ZNF540: variants seen among roughly 807,000 people sequenced by gnomAD.
ZNF540 encodes the protein zinc finger protein 540, also known as CTD-3064H18.6.
Under a neutral mutation model 11.8 loss-of-function variants are expected in ZNF540, and 3 were observed. That is an observed-to-expected ratio of 0.25 (90% CI 0.12 to 0.65). ZNF540 has a LOEUF of 0.65. ZNF540 is among the 30% of genes least tolerant of loss of function. The pLI is 0.83. For synonymous variants in ZNF540, 247 were observed against 259.0 expected (o/e 0.95, Z 0.45); for missense variants, 709 against 793.1 (o/e 0.89, Z 1.27).
At chr19:37,603,864 G>A (rs1159384092) in intron 4 of ZNF540, among the ~76,000 whole-genome samples, 1 of 152,060 alleles carries the variant, frequency 6.6e-6, no homozygotes, top group Non-Finnish European at 1.5e-5. Context: ...TCTATATCAA[G>A]CCAAATTCTG....
In ZNF540 at chr19:37,613,392, T is replaced by A; in HGVS notation, c.*129T>A. 1 of 625,632 alleles carries A rather than the reference T, an allele frequency of 1.6e-6. No individual in the cohort carries two copies. Among genetic ancestry groups the A allele is most frequent in the African/African-American group, 1.9e-5 (1 of 53,798 alleles). 38.8% of individuals were successfully genotyped at this position (625,632 alleles called of 1,614,324 possible). On this transcript the variant is annotated 3_prime_UTR_variant, in exon 5 of 5. Coordinates refer to ENST00000316433, the MANE Select transcript of ZNF540 (RefSeq NM_001172225.3). ...AATAAATGTATGAGTCTTAAATACCTCTTAGTTCTCATTAAATTTAGGAAA... is the reference window on the plus strand; with the variant it reads ...AATAAATGTATGAGTCTTAAATACCACTTAGTTCTCATTAAATTTAGGAAA...
chr19:37,561,940 T>G (rs757447939), intron 1 of ZNF540, among the ~76,000 whole-genome samples: 1 of 152,234 alleles, frequency 6.6e-6, no homozygotes, highest in Non-Finnish European at 1.5e-5. Flanking sequence ...GTTACACTGA[T>G]TATTCAGAGT....
intron 1 of ZNF540, among the ~76,000 whole-genome samples, chr19:37,552,309 A>G (rs2147132634): frequency 6.6e-6 from 1 of 152,316 alleles, no homozygotes; most frequent in South Asian, 2.1e-4. Flanking sequence ...CAAGCTTGCT[A>G]AAGTTCTTTG....
chr19:37,586,028 T>C (rs1216572607), intron 1 of ZNF540: 1 of 152,242 alleles, frequency 6.6e-6, no homozygotes, highest in African/African-American at 2.4e-5. Context: ...AGAAGGAACA[T>C]GGCTCTGCTA....
At chr19:37,564,519 A>AGAAGCAAGATGTTCTACATTCATTATAG in intron 1 of ZNF540, 2 of 1,333,900 alleles carry the variant, frequency 1.5e-6, no homozygotes, top group Middle Eastern at 2.3e-4. Context: ...GATTCTGAGC[A>AGAAGCAAGATGTTCTACATTCATTATAG]GAAGCAAGAT....
In ZNF540 at chr19:37,574,122, G is replaced by C. The variant is rs115830779; in HGVS notation, c.-73+22457G>C. 6.1e-3 allele frequency among the ~76,000 whole-genome samples: 935 copies of C among 152,152 alleles called. 11 individuals carry two copies. Among genetic ancestry groups the C allele is most frequent in the African/African-American group, 0.021 (882 of 41,514 alleles). ...GAAAAATATTCTAGAAAACTAGGAG[G>C]CCTATTTAAAACTATACTCTTTATG... On this transcript the variant is annotated intron_variant, in intron 1 of 4. Coordinates refer to the ZNF540 transcript ENST00000592533.
upstream of ZNF540, among the ~76,000 whole-genome samples, chr19:37,589,864 CAAAAAAAA>C (rs60136941): frequency 4.1e-4 from 12 of 29,588 alleles, no homozygotes; most frequent in African/African-American, 1.2e-3. Flanking sequence ...GACTCCATCT[CAAAAAAAA>C]AAAAAAAAAA....
upstream of ZNF540, among the ~76,000 whole-genome samples, chr19:37,593,057 T>C (rs570711253): frequency 4.3e-3 from 651 of 152,260 alleles, 7 homozygotes; most frequent in African/African-American, 0.015. Flanking sequence ...GTATACAAGA[T>C]TATGAAATAA....
At chr19:37,576,372 A>C (rs1293721777) in intron 1 of ZNF540, among the ~76,000 whole-genome samples, 1 of 152,214 alleles carries the variant, frequency 6.6e-6, no homozygotes, top group South Asian at 2.1e-4. Flanking sequence ...ACTTGCAACT[A>C]TCTGCATTCT....
chr19:37,609,871 AAAAAGAAAAG>A (rs1202915015), intron 4 of ZNF540, among the ~76,000 whole-genome samples: 2 of 152,130 alleles, frequency 1.3e-5, no homozygotes, highest in African/African-American at 2.4e-5. Flanking sequence ...AGAAAGAAAA[AAAAAGAAAAG>A]AAAAAAACAG....
At chr19:37,573,741 G>T in intron 1 of ZNF540, among the ~76,000 whole-genome samples, 1 of 151,302 alleles carries the variant, frequency 6.6e-6, no homozygotes, top group South Asian at 2.1e-4. Context: ...ATGCTAAGGT[G>T]GGAGGATCAC....
intron 1 of ZNF540, chr19:37,565,425 A>G (rs1284216552): frequency 6.2e-7 from 1 of 1,613,466 alleles, no homozygotes; most frequent in Non-Finnish European, 8.5e-7. Flanking sequence ...TTACATATGT[A>G]AGGCTTTTCA....
chr19:37,594,406 G>A (rs1433291627), upstream of ZNF540: 2 of 152,314 alleles, frequency 1.3e-5, no homozygotes, highest in African/African-American at 4.8e-5. Flanking sequence ...AACACTACTA[G>A]TAACACCCGC....
intron 1 of ZNF540, chr19:37,564,851 CCT>C (rs766507474): frequency 1.1e-5 from 17 of 1,613,928 alleles, no homozygotes; most frequent in Non-Finnish European, 1.4e-5. Flanking sequence ...AGGTTTTTCA[CCT>C]CTGTGAATTC....
chr19:37,563,585 CA>C (rs1171407605), intron 1 of ZNF540: 4 of 151,386 alleles, frequency 2.6e-5, no homozygotes, highest in African/African-American at 9.7e-5. Context: ...GGAATATATA[CA>C]TATATGGAAT....
intron 1 of ZNF540, among the ~76,000 whole-genome samples, chr19:37,589,807 G>C (rs1419151516): frequency 7.7e-6 from 1 of 129,568 alleles, no homozygotes; most frequent in Non-Finnish European, 1.6e-5. Context: ...GGAGGTTACA[G>C]TGAGCCAAGA....
At chr19:37,554,540 A>C (rs2042640009) in intron 1 of ZNF540, among the ~76,000 whole-genome samples, 1 of 152,078 alleles carries the variant, frequency 6.6e-6, no homozygotes, top group Non-Finnish European at 1.5e-5. Flanking sequence ...CTTTACCACT[A>C]GTTTTCAGCA....
intron 1 of ZNF540, among the ~76,000 whole-genome samples, chr19:37,579,804 C>G (rs1156972619): frequency 6.6e-6 from 1 of 152,206 alleles, no homozygotes; most frequent in Non-Finnish European, 1.5e-5. Flanking sequence ...CACCATACTA[C>G]TGACAGACCA....
intron 1 of ZNF540, chr19:37,560,630 A>G (rs1226206375): frequency 2.0e-5 from 3 of 152,110 alleles, no homozygotes; most frequent in Non-Finnish European, 4.4e-5. Flanking sequence ...CAGCCTCCCA[A>G]AGTGCTGGGA....
Sources: allele counts gnomAD v4.1 joint callset (sites outside exome capture counted in the v4.1 genomes callset), GRCh38; gene constraint gnomAD v4.1.1; transcripts MANE v1.5; gene names NCBI Gene and HGNC (gene_info 2026-07-23, HGNC 2026-07-21).